Variants in AP3S2 observed in about 807,000 individuals in gnomAD.
AP3S2 encodes adaptor related protein complex 3 subunit sigma 2.
A neutral mutation model predicts 23.4 loss-of-function variants in AP3S2; 22 were observed. The observed-to-expected ratio is 0.94, with a 90% CI of 0.67 to 1.34. The LOEUF is 1.34. AP3S2 is among the 40% of genes most tolerant of loss of function. The probability of loss-of-function intolerance (pLI) is 0.00; values close to 1 mark genes in which losing one functional copy is unlikely to be tolerated. For missense variants in AP3S2, 241 were observed against 236.9 expected (o/e 1.02, Z -0.11); for synonymous variants, 86 against 87.1 (o/e 0.99, Z 0.07).
intron 4 of AP3S2, among the ~76,000 whole-genome samples, chr15:89,858,489 A>AGAGAGAGAGAGAGAGAGAGAGAG (rs1567178678): frequency 2.4e-5 from 1 of 41,788 alleles, no homozygotes; most frequent in Non-Finnish European, 5.7e-5. Flanking sequence ...GAAAGAAAGA[A>AGAGAGAGAGAGAGAGAGAGAGAG]AGAAAGAGAG....
rs1348535437 is a variant in AP3S2, at chr15:89,833,631, T to C, written c.*1884A>G. 2 of 152,214 alleles carry C rather than the reference T, an allele frequency of 1.3e-5. No homozygotes were observed. Among genetic ancestry groups the C allele is most frequent in the Non-Finnish European group, 2.9e-5 (2 of 68,032 alleles). 9.4% of individuals were successfully genotyped at this position (152,214 alleles called of 1,614,324 possible). On this transcript the variant is annotated 3_prime_UTR_variant, in exon 6 of 6. Transcript: ENST00000336418. ...TGAGAGAAATGTGAATGTACTGAAA[T>C]GTCTGCCAGAAAAAAGAAAATCCAA... is the stretch of plus-strand genomic sequence containing the variant.
At chr15:89,889,011 G>A in intron 2 of AP3S2, 38 bp downstream of exon 2, 1 of 1,612,790 alleles carries the variant, frequency 6.2e-7, no homozygotes, top group Non-Finnish European at 8.5e-7. Context: ...CCACTCACAA[G>A]TGGATATATG....
intron 4 of AP3S2, among the ~76,000 whole-genome samples, chr15:89,851,031 AC>A (rs35969469): frequency 0.23 from 34,713 of 152,094 alleles, 4,479 homozygotes; most frequent in South Asian, 0.31. Context: ...ATAATCTCTA[AC>A]AATGTCTATT....
Position 89,856,883 on chromosome 15 carries a change from AAAAAG to A in AP3S2, c.345+14587_345+14591del, listed in dbSNP as rs535526968. 1.1e-3 allele frequency among the ~76,000 whole-genome samples: 168 copies of A among 149,918 alleles called. 3 individuals are homozygous for A. The highest frequency in any genetic ancestry group is 3.9e-3 in the African/African-American group (154 of 39,708). On this transcript the variant is annotated intron_variant, in intron 4 of 5. Coordinates refer to ENST00000336418, the MANE Select transcript of AP3S2 (RefSeq NM_005829.5). ...GTAAGACTCTGTCTTAAAAAAAAAA[AAAAAG>A]AAAAGAAAAGAAAAGAAAAAGAAAC... is the stretch of plus-strand genomic sequence containing the variant.
intron 4 of AP3S2, among the ~76,000 whole-genome samples, chr15:89,838,665 C>A (rs974528139): frequency 6.6e-6 from 1 of 152,168 alleles, no homozygotes; most frequent in African/African-American, 2.4e-5. Flanking sequence ...CAAGTACAAC[C>A]TTCTATTGTT....
At chr15:89,858,460 AAAG>A (rs1275084168) in intron 4 of AP3S2, among the ~76,000 whole-genome samples, 1 of 69,742 alleles carries the variant, frequency 1.4e-5, no homozygotes, top group East Asian at 2.5e-4. Flanking sequence ...AAAGAAAAAG[AAAG>A]AAAGAAAGAA....
chr15:89,890,572 A>C (rs908935390), intron 1 of AP3S2, among the ~76,000 whole-genome samples: 2 of 152,222 alleles, frequency 1.3e-5, no homozygotes, highest in Admixed American at 1.3e-4. Flanking sequence ...TGCTGTTAAA[A>C]TACAGATTCG....
chr15:89,859,386 C>A (rs201281472), intron 4 of AP3S2, among the ~76,000 whole-genome samples: 1 of 59,766 alleles, frequency 1.7e-5, no homozygotes, highest in African/African-American at 6.5e-5. Flanking sequence ...TCCTTCCTTC[C>A]TTTTCTTTCT....
chr15:89,859,283 T>G (rs1307368039), intron 4 of AP3S2, among the ~76,000 whole-genome samples: 1 of 147,578 alleles, frequency 6.8e-6, no homozygotes, highest in Non-Finnish European at 1.5e-5. Context: ...CTTTCTTTCC[T>G]TTTTTCTTTT....
chr15:89,889,902 T>C (rs1470365766), intron 1 of AP3S2, among the ~76,000 whole-genome samples: 18 of 137,304 alleles, frequency 1.3e-4, no homozygotes, highest in Middle Eastern at 3.8e-3. Flanking sequence ...CAAGAAGTAA[T>C]CATGTAAATG....
chr15:89,852,688 A>G (rs1895688049), intron 4 of AP3S2: 1 of 152,246 alleles, frequency 6.6e-6, no homozygotes, highest in Non-Finnish European at 1.5e-5. Context: ...TAAAACAAAA[A>G]AAGAAAAAAA....
At chr15:89,885,781 A>T (rs898728245) in intron 3 of AP3S2, among the ~76,000 whole-genome samples, 1 of 151,942 alleles carries the variant, frequency 6.6e-6, no homozygotes, top group Non-Finnish European at 1.5e-5. Flanking sequence ...ATCTCTAAAA[A>T]ATTCAAAAAA....
intron 4 of AP3S2, among the ~76,000 whole-genome samples, chr15:89,856,390 C>G (rs946272541): frequency 6.6e-6 from 1 of 151,914 alleles, no homozygotes; most frequent in African/African-American, 2.4e-5. Context: ...TGGCGAAACC[C>G]TGTCTCTACT....
intron 4 of AP3S2, among the ~76,000 whole-genome samples, chr15:89,856,485 G>C (rs1048678050): frequency 6.6e-6 from 1 of 151,976 alleles, no homozygotes; most frequent in Non-Finnish European, 1.5e-5. Context: ...CAGAGCATGA[G>C]GTCAGAAGTT....
At chr15:89,891,518 G>C (rs968572684) in intron 1 of AP3S2, among the ~76,000 whole-genome samples, 1 of 151,934 alleles carries the variant, frequency 6.6e-6, no homozygotes, top group Admixed American at 6.6e-5. Flanking sequence ...AATTAGCCAG[G>C]CATGGTCGTG....
intron 4 of AP3S2, among the ~76,000 whole-genome samples, chr15:89,863,383 C>T (rs1192027629): frequency 6.6e-6 from 1 of 152,036 alleles, no homozygotes; most frequent in African/African-American, 2.4e-5. Flanking sequence ...CACTCCGAGA[C>T]CAGGGCATTC....
chr15:89,888,598 G>A lies in AP3S2; in HGVS notation c.196C>T (p.Arg66Trp), dbSNP rs539648707. Residue 66 changes from arginine (R) to tryptophan (W), a missense_variant, in exon 3 of 6, where the codon CGG becomes TGG. Physicochemically the swap from Arg to Trp is moderately radical, Grantham distance 101. Transcript: ENST00000336418. ...ACAAAGTAGAGGGTAGCATAGTGCC[G>A]GTAGATCAGTTTGTAGTCAGAGCCA... ...IGGSDYKLIY[R>W]HYATLYFVFC... 1.9e-5 allele frequency: 31 copies of A among 1,614,144 alleles called. No homozygotes were observed. Among genetic ancestry groups the A allele is most frequent in the Middle Eastern group, 1.6e-4 (1 of 6,062 alleles).
chr15:89,877,851 T>C (rs148399819), intron 3 of AP3S2, among the ~76,000 whole-genome samples: 35 of 152,236 alleles, frequency 2.3e-4, no homozygotes, highest in African/African-American at 7.5e-4. Context: ...GCTATTCCCA[T>C]TTGCATTGGC....
chr15:89,876,047 A>T (rs980119603), intron 3 of AP3S2, among the ~76,000 whole-genome samples: 3 of 152,244 alleles, frequency 2.0e-5, no homozygotes, highest in Non-Finnish European at 4.4e-5. Flanking sequence ...CGTGAAAGGC[A>T]TCATCGTAGT....
Sources: gnomAD v4.1 joint callset for allele counts (sites outside exome capture counted in the v4.1 genomes callset) on GRCh38, gnomAD v4.1.1 for gene constraint, MANE v1.5 for transcripts, NCBI Gene and HGNC (gene_info 2026-07-23, HGNC 2026-07-21) for gene names.